Variants in GXYLT2 observed in about 807,000 individuals in gnomAD.
The protein encoded by GXYLT2 is glucoside xylosyltransferase 2.
A neutral mutation model predicts 45.8 loss-of-function variants in GXYLT2; 53 were observed. That is an observed-to-expected ratio of 1.16 (90% confidence interval 0.93 to 1.46). The LOEUF is 1.46. Ranked by LOEUF, GXYLT2 falls within the 40% of genes most tolerant of loss-of-function variation. GXYLT2 has a pLI of 0.00. For synonymous variants in GXYLT2, 219 were observed against 214.2 expected (o/e 1.02, Z -0.19); for missense variants, 551 against 544.4 (o/e 1.01, Z -0.12).
At chr3:72,951,488 G>C (rs190101700) in intron 3 of GXYLT2, among the ~76,000 whole-genome samples, 6 of 152,266 alleles carry the variant, frequency 3.9e-5, no homozygotes, top group Admixed American at 3.3e-4. Flanking sequence ...TGAGTACTTC[G>C]TGGGTTTCAT....
intron 3 of GXYLT2, among the ~76,000 whole-genome samples, chr3:72,925,759 T>TA (rs928400018): frequency 4.6e-5 from 7 of 151,296 alleles, no homozygotes; most frequent in East Asian, 1.9e-4. Context: ...TACCATTATT[T>TA]AAAAAAAAAC....
intron 1 of GXYLT2, among the ~76,000 whole-genome samples, chr3:72,892,539 T>TTGGGGA (rs146001521): frequency 0.012 from 1,884 of 152,180 alleles, 40 homozygotes; most frequent in African/African-American, 0.042. Flanking sequence ...CTCCCAGAAT[T>TTGGGGA]TGAGGGAAAG....
chr3:72,958,145 G>A (rs1286034495), intron 5 of GXYLT2, among the ~76,000 whole-genome samples: 1 of 151,794 alleles, frequency 6.6e-6, no homozygotes, highest in African/African-American at 2.4e-5. Flanking sequence ...GTGGTGGTAG[G>A]CACCTGTAAT....
At chr3:72,950,311 A>G (rs571925472) in intron 3 of GXYLT2, among the ~76,000 whole-genome samples, 1 of 151,956 alleles carries the variant, frequency 6.6e-6, no homozygotes, top group Non-Finnish European at 1.5e-5. Flanking sequence ...AAATACAAAA[A>G]TTAGCCAGGT....
intron 3 of GXYLT2, among the ~76,000 whole-genome samples, chr3:72,931,327 AC>A (rs1275871303): frequency 6.6e-6 from 1 of 151,058 alleles, no homozygotes; most frequent in African/African-American, 2.4e-5. Flanking sequence ...TCCCAGGTTC[AC>A]CCCCCATTCT....
At chr3:72,927,318 T>C (rs974767055) in intron 3 of GXYLT2, 4 of 152,206 alleles carry the variant, frequency 2.6e-5, no homozygotes, top group African/African-American at 9.7e-5. Context: ...GTCCCACTCC[T>C]TAATATTTCA....
intron 3 of GXYLT2, among the ~76,000 whole-genome samples, chr3:72,941,267 T>C (rs191306928): frequency 1.3e-5 from 2 of 152,338 alleles, no homozygotes; most frequent in East Asian, 3.9e-4. Flanking sequence ...CTGTTACTAC[T>C]CCTGCATTTT....
At position 72,957,305 on chromosome 3, in the gene GXYLT2, C is replaced by T. The variant is rs1328792551; in HGVS notation, c.929C>T (p.Thr310Met). 1.9e-5 allele frequency: 30 copies of T among 1,613,028 alleles called. No individual in the cohort carries two copies. The highest frequency in any genetic ancestry group is 3.3e-5 in the Admixed American group (2 of 59,940). The change falls in exon 5 of 7, where the codon ACG (threonine) becomes ATG (methionine). Residue 310 changes from threonine (T) to methionine (M), a missense_variant. Thr to Met is a moderately conservative substitution (Grantham distance 81, BLOSUM62 -1). Transcript: ENST00000389617. ...PLYQKYKNAI[T>M]WGDQDLLNII... ...TACCAGAAGTACAAGAATGCCATCACGTGGGGAGACCAGGATTTATTAAAT... is the reference window on the plus strand; with the variant it reads ...TACCAGAAGTACAAGAATGCCATCATGTGGGGAGACCAGGATTTATTAAAT...
In GXYLT2 at chr3:72,957,360, A is replaced by G. The variant is rs1176917988; in HGVS notation, c.976+8A>G. ...TTTTTTATTTCAACCCAGGTAGGTT[A>G]TCTTTGGAGAATGCCTTTTGTGTAG... On this transcript the variant is annotated splice_region_variant and intron_variant, in intron 5 of 6. Transcript: ENST00000389617. 1 of 1,592,914 alleles carries G rather than the reference A, an allele frequency of 6.3e-7. No individual in the cohort carries two copies. Among genetic ancestry groups the G allele is most frequent in the African/African-American group, 1.4e-5 (1 of 73,854 alleles).
chr3:72,896,594 A>C (rs559013468), intron 1 of GXYLT2, among the ~76,000 whole-genome samples: 4 of 152,246 alleles, frequency 2.6e-5, no homozygotes, highest in African/African-American at 9.6e-5. Flanking sequence ...TAAGACTGTA[A>C]TCCCAGCACT....
At chr3:72,937,343 G>A (rs1004021437) in intron 3 of GXYLT2, among the ~76,000 whole-genome samples, 4 of 152,084 alleles carry the variant, frequency 2.6e-5, no homozygotes, top group African/African-American at 9.7e-5. Context: ...TTTACTATGA[G>A]GTACAGTTGA....
Position 72,957,288 on chromosome 3 carries a change from G to A in GXYLT2, c.912G>A (p.Lys304=), listed in dbSNP as rs374017024. ...ACATGTTGTACCCTCTGTACCAGAA[G>A]TACAAGAATGCCATCACGTGGGGAG... ...WEDMLYPLYQ[K]YKNAITWGDQ... Residue 304 remains lysine (K), a synonymous_variant, in exon 5 of 7, where the codon AAG becomes AAA. Transcript: ENST00000389617. The A allele has an allele frequency of 8.9e-5, 143 of 1,613,236 alleles. No individual in the cohort carries two copies. The African/African-American group carries it at 1.4e-3, about 15-fold the overall frequency.
At chr3:72,938,260 A>T (rs931179636) in intron 3 of GXYLT2, among the ~76,000 whole-genome samples, 1 of 152,178 alleles carries the variant, frequency 6.6e-6, no homozygotes, top group African/African-American at 2.4e-5. Context: ...TGGACAATGG[A>T]TGGAAAGACG....
At position 72,928,758 on chromosome 3, in the gene GXYLT2, A is replaced by G. The variant is rs368725537; in HGVS notation, c.600+6423A>G. Among the ~76,000 whole-genome samples, 3 of 149,872 alleles carry G rather than the reference A, an allele frequency of 2.0e-5. No homozygotes were observed. In the East Asian group the frequency reaches 5.9e-4, roughly 29 times the overall value. On this transcript the variant is annotated intron_variant, in intron 3 of 6. Coordinates refer to ENST00000389617, the MANE Select transcript of GXYLT2 (RefSeq NM_001080393.2). Reference sequence around the variant, plus strand: ...TTAATTGGATCAGACTGTGGGGGCAATTTGTGCTCCACTGAGGAAATAACT... The same window carrying G: ...TTAATTGGATCAGACTGTGGGGGCAGTTTGTGCTCCACTGAGGAAATAACT...
intron 3 of GXYLT2, among the ~76,000 whole-genome samples, chr3:72,951,216 T>C (rs1238042413): frequency 6.6e-6 from 1 of 152,172 alleles, no homozygotes; most frequent in Non-Finnish European, 1.5e-5. Context: ...TTTTGTTTTT[T>C]CAGATAAAGA....
In GXYLT2 at chr3:72,975,946, T is replaced by TTTTTTTTTTTTTC. The variant is rs1559537589; in HGVS notation, c.*790_*791insTTTTTTTTTCTTT. The TTTTTTTTTTTTTC allele has an allele frequency of 7.7e-6, 1 of 129,604 alleles. No homozygotes were observed. The highest frequency in any genetic ancestry group is 1.7e-5 in the Non-Finnish European group (1 of 59,674). The allele number at this position is 129,604 out of a possible 1,614,324, so 8.0% of individuals were successfully genotyped here. A position where few individuals can be genotyped will look rare whatever the true frequency, so the allele number is the denominator to read the frequency against. ...TCTTTCTTTTTTTTTTTTTTTTTTT[T>TTTTTTTTTTTTTC]TTTGAGACGGAATCTCACTCTGTAG... On this transcript the variant is annotated 3_prime_UTR_variant, in exon 7 of 7. Coordinates refer to ENST00000389617, the MANE Select transcript of GXYLT2 (RefSeq NM_001080393.2).
chr3:72,906,334 T>G (rs1709509790), intron 1 of GXYLT2, among the ~76,000 whole-genome samples: 1 of 152,086 alleles, frequency 6.6e-6, no homozygotes, highest in South Asian at 2.1e-4. Context: ...TGCACATGGC[T>G]CGCTACCTCC....
intron 1 of GXYLT2, among the ~76,000 whole-genome samples, chr3:72,891,579 T>G (rs906579990): frequency 3.3e-5 from 5 of 152,198 alleles, no homozygotes; most frequent in Admixed American, 3.3e-4. Flanking sequence ...TGGACACCAT[T>G]CTGGAAGCAG....
chr3:72,965,668 T>A (rs1343795009), intron 5 of GXYLT2, among the ~76,000 whole-genome samples: 1 of 152,196 alleles, frequency 6.6e-6, no homozygotes, highest in Admixed American at 6.5e-5. Context: ...ACTATTGCTA[T>A]TGTTGGGGAC....
Sources: allele counts gnomAD v4.1 joint callset (sites outside exome capture counted in the v4.1 genomes callset), GRCh38; gene constraint gnomAD v4.1.1; transcripts MANE v1.5; gene names NCBI Gene and HGNC (gene_info 2026-07-23, HGNC 2026-07-21).